The following LRP12 variants were observed in gnomAD, a reference collection of about 807,000 sequenced individuals.
LRP12 encodes LDL receptor related protein 12.
A neutral mutation model predicts 66.0 loss-of-function variants in LRP12; 14 were observed. The ratio of observed to expected loss-of-function variants is 0.21; its 90% CI spans 0.14 to 0.33. LRP12 has a LOEUF of 0.33. LRP12 is among the 10% of genes least tolerant of loss of function. LRP12 has a pLI of 1.00. For missense variants in LRP12, 889 were observed against 1,053.4 expected (o/e 0.84, Z 2.16); for synonymous variants, 357 against 359.1 (o/e 0.99, Z 0.07).
At chr8:104,520,871 TG>T (rs1175262661) in intron 2 of LRP12, among the ~76,000 whole-genome samples, 2 of 152,030 alleles carry the variant, frequency 1.3e-5, no homozygotes, top group Non-Finnish European at 2.9e-5. Context: ...AGTTACAGAC[TG>T]GAAAAGAAAA....
intron 1 of LRP12, among the ~76,000 whole-genome samples, chr8:104,547,751 T>C (rs1811615858): frequency 7.8e-6 from 1 of 128,148 alleles, no homozygotes; most frequent in Non-Finnish European, 1.6e-5. Flanking sequence ...TATAATCATA[T>C]ATAATATATA....
At position 104,547,601 on chromosome 8, in the gene LRP12, A is replaced by T. The variant is rs1396946802; in HGVS notation, c.80-15638T>A. Reference sequence around the variant, plus strand: ...ATATATTAATATATAATATATAATAATTATTAATATATAATATATTAATAT... The same window carrying T: ...ATATATTAATATATAATATATAATATTTATTAATATATAATATATTAATAT... On this transcript the variant is annotated intron_variant, in intron 1 of 6. Transcript: ENST00000276654. Among the ~76,000 whole-genome samples, 14 of 120,010 alleles carry T rather than the reference A, an allele frequency of 1.2e-4. No individual in the cohort carries two copies. In the South Asian group the frequency reaches 2.9e-3, roughly 24 times the overall value. 78.7% of individuals were successfully genotyped at this position (120,010 alleles called of 152,430 possible). A position where few individuals can be genotyped will look rare whatever the true frequency, so the allele number is the denominator to read the frequency against.
intron 3 of LRP12, among the ~76,000 whole-genome samples, chr8:104,501,804 C>CT (rs2140836666): frequency 6.6e-6 from 1 of 151,610 alleles, no homozygotes; most frequent in Admixed American, 6.6e-5. Flanking sequence ...TTAATGGAAC[C>CT]TTTTAATAAG....
chr8:104,564,274 A>G (rs1357395286), intron 1 of LRP12, among the ~76,000 whole-genome samples: 2 of 152,200 alleles, frequency 1.3e-5, no homozygotes, highest in African/African-American at 4.8e-5. Flanking sequence ...ATAAATCACA[A>G]GGGATCTGTT....
intron 2 of LRP12, among the ~76,000 whole-genome samples, chr8:104,516,865 G>T (rs1811077979): frequency 6.6e-6 from 1 of 151,892 alleles, no homozygotes; most frequent in South Asian, 2.1e-4. Context: ...AATTAGAGCT[G>T]AACTACTGTC....
chr8:104,548,344 T>TTATATATTAATAATTA (rs1278713283), intron 1 of LRP12, among the ~76,000 whole-genome samples: 1 of 36,696 alleles, frequency 2.7e-5, no homozygotes, highest in African/African-American at 1.5e-4. Context: ...TATAAATATA[T>TTATATATTAATAATTA]AAATATATAA....
chr8:104,548,174 A>ATATTAATATTAATATACATAT (rs1564141824), intron 1 of LRP12, among the ~76,000 whole-genome samples: 1 of 99,128 alleles, frequency 1.0e-5, no homozygotes, highest in African/African-American at 4.7e-5. Flanking sequence ...TATATATAAT[A>ATATTAATATTAATATACATAT]TAATATATAA....
At chr8:104,581,731 CAAT>C (rs1250629211) in intron 1 of LRP12, among the ~76,000 whole-genome samples, 3 of 151,454 alleles carry the variant, frequency 2.0e-5, no homozygotes, top group Admixed American at 6.6e-5. Flanking sequence ...GTGGCTGTTA[CAAT>C]AATGTAGACA....
At chr8:104,573,767 G>A (rs1409952563) in intron 1 of LRP12, among the ~76,000 whole-genome samples, 1 of 151,698 alleles carries the variant, frequency 6.6e-6, no homozygotes, top group Non-Finnish European at 1.5e-5. Context: ...GATCGTAAGT[G>A]CATCTAAAAG....
intron 2 of LRP12, among the ~76,000 whole-genome samples, chr8:104,530,492 C>A (rs1373054992): frequency 3.3e-5 from 5 of 152,174 alleles, no homozygotes; most frequent in Admixed American, 6.5e-5. Context: ...TGGCCATCTA[C>A]AGGCCAGGAA....
chr8:104,494,236 C>G (rs1016550951), intron 6 of LRP12, among the ~76,000 whole-genome samples: 1 of 152,086 alleles, frequency 6.6e-6, no homozygotes, highest in Non-Finnish European at 1.5e-5. Flanking sequence ...ACACAAAATT[C>G]CAACAGTGGA....
intron 3 of LRP12, 183 bp downstream of exon 3, chr8:104,508,756 A>C: frequency 1.9e-6 from 1 of 521,800 alleles, no homozygotes; most frequent in Non-Finnish European, 3.3e-6. Context: ...GAAAATACTC[A>C]AAACACATAC....
chr8:104,534,497 T>C (rs942090246), intron 1 of LRP12, among the ~76,000 whole-genome samples: 1 of 152,040 alleles, frequency 6.6e-6, no homozygotes, highest in African/African-American at 2.4e-5. Context: ...GAATATATAG[T>C]TCATTCCCAT....
At chr8:104,586,033 A>T (rs1278369263) in intron 1 of LRP12, among the ~76,000 whole-genome samples, 1 of 151,862 alleles carries the variant, frequency 6.6e-6, no homozygotes, top group Admixed American at 6.5e-5. Flanking sequence ...TGATATTTTT[A>T]TCCCTTCAAA....
intron 3 of LRP12, chr8:104,507,493 T>C (rs1810927079): frequency 6.6e-6 from 1 of 152,212 alleles, no homozygotes; most frequent in East Asian, 1.9e-4. Flanking sequence ...TTTACAAAAC[T>C]GAGCTATAAG....
At chr8:104,547,957 CATTGTTATATTTTGTATATAATATATA>C (rs1314491427) in intron 1 of LRP12, among the ~76,000 whole-genome samples, 2,121 of 115,364 alleles carry the variant, frequency 0.018, 339 homozygotes, top group African/African-American at 0.068. Flanking sequence ...TTGTATATAC[CATTGTTATATTTTGTATATAATATATA>C]ATTGTTATAT....
chr8:104,540,890 C>T (rs946041006), intron 1 of LRP12, among the ~76,000 whole-genome samples: 4 of 152,102 alleles, frequency 2.6e-5, no homozygotes, highest in Non-Finnish European at 5.9e-5. Flanking sequence ...CGTGCCATCA[C>T]GCCCAGCTAA....
At chr8:104,585,242 T>A (rs1285611550) in intron 1 of LRP12, among the ~76,000 whole-genome samples, 2 of 151,236 alleles carry the variant, frequency 1.3e-5, no homozygotes, top group Non-Finnish European at 2.9e-5. Context: ...TTATTTATTT[T>A]TTGAGACAGA....
chr8:104,535,133 T>C (rs761368787), intron 1 of LRP12, among the ~76,000 whole-genome samples: 3 of 151,932 alleles, frequency 2.0e-5, no homozygotes, highest in Non-Finnish European at 4.4e-5. Context: ...ATTTTTCACG[T>C]ACGAAAAAGT....
Sources: gnomAD v4.1 joint callset for allele counts (sites outside exome capture counted in the v4.1 genomes callset) on GRCh38, gnomAD v4.1.1 for gene constraint, MANE v1.5 for transcripts, NCBI Gene and HGNC (gene_info 2026-07-23, HGNC 2026-07-21) for gene names.